FER: variants seen among roughly 807,000 people sequenced by gnomAD.
FER encodes the protein tyrosine-protein kinase Fer.
A neutral mutation model predicts 111.0 loss-of-function variants in FER; 63 were observed. The ratio of observed to expected loss-of-function variants is 0.57; its 90% CI spans 0.46 to 0.70. The LOEUF is 0.70. Ranked by LOEUF, FER falls within the 30% of genes least tolerant of loss-of-function variation. The pLI, the probability that FER is intolerant of heterozygous loss-of-function variation, is 0.00. For missense variants in FER, 914 were observed against 954.0 expected, an observed-to-expected ratio of 0.96 and a Z score of 0.55; for synonymous variants, 327 against 313.9, an observed-to-expected ratio of 1.04 and a Z score of -0.44.
At chr5:108,850,854 T>C (rs905620140) in intron 5 of FER, among the ~76,000 whole-genome samples, 1 of 152,334 alleles carries the variant, frequency 6.6e-6, no homozygotes, top group Middle Eastern at 3.4e-3. Flanking sequence ...TTCAAGTACA[T>C]GATTGGGAGA....
rs1765955625 is a variant in FER at position 109,009,464 on chromosome 5, A to G, written c.1657-27958A>G. Among the ~76,000 whole-genome samples, 3 of 152,114 alleles carry G rather than the reference A, an allele frequency of 2.0e-5. No homozygotes were observed. The South Asian group carries it at 6.2e-4, about 32-fold the overall frequency. ...CCACCAAAAGCCTCTACCCCTGACC[A>G]CCTTACTTAAATTTAACTCTCAAAT... On this transcript the variant is annotated intron_variant, in intron 13 of 19. Coordinates refer to ENST00000281092, the MANE Select transcript of FER (RefSeq NM_005246.4).
chr5:108,993,093 G>A (rs561792711), intron 13 of FER, among the ~76,000 whole-genome samples: 10 of 151,744 alleles, frequency 6.6e-5, no homozygotes, highest in East Asian at 2.0e-4. Context: ...CCTCCCAGAC[G>A]ATGGGCGGCC....
intron 13 of FER, among the ~76,000 whole-genome samples, chr5:109,016,267 C>G (rs1055642179): frequency 6.6e-6 from 1 of 151,830 alleles, no homozygotes; most frequent in African/African-American, 2.4e-5. Flanking sequence ...TTAATCCATC[C>G]CAATTCTATA....
chr5:108,947,652 A>G (rs936544350), intron 11 of FER, among the ~76,000 whole-genome samples: 1 of 151,552 alleles, frequency 6.6e-6, no homozygotes, highest in Non-Finnish European at 1.5e-5. Context: ...CTTTCTTGTT[A>G]ATGTCCTTTA....
intron 2 of FER, among the ~76,000 whole-genome samples, chr5:108,768,532 A>G (rs1561389001): frequency 6.6e-6 from 1 of 152,156 alleles, no homozygotes; most frequent in South Asian, 2.1e-4. Context: ...ATTTTCAACC[A>G]TTTGGCACCA....
chr5:108,780,364 T>C (rs1753922191), intron 2 of FER, among the ~76,000 whole-genome samples: 1 of 147,794 alleles, frequency 6.8e-6, no homozygotes, highest in South Asian at 2.1e-4. Flanking sequence ...TCAAGGTACA[T>C]AATTCTAGGT....
intron 9 of FER, among the ~76,000 whole-genome samples, chr5:108,885,663 A>T (rs1401926761): frequency 1.3e-5 from 2 of 151,784 alleles, no homozygotes; most frequent in African/African-American, 4.8e-5. Flanking sequence ...AATCCCATTG[A>T]TAAGGGCTCT....
intron 5 of FER, among the ~76,000 whole-genome samples, chr5:108,853,819 G>A (rs1762748419): frequency 6.6e-6 from 1 of 152,206 alleles, no homozygotes; most frequent in South Asian, 2.1e-4. Context: ...AGCCATTGGA[G>A]TGTTTTGAGC....
intron 10 of FER, among the ~76,000 whole-genome samples, chr5:108,933,677 C>G (rs1410329301): frequency 6.6e-6 from 1 of 152,072 alleles, no homozygotes; most frequent in Non-Finnish European, 1.5e-5. Context: ...AGCACTGAAT[C>G]TATAAACTAC....
intron 13 of FER, among the ~76,000 whole-genome samples, chr5:109,024,981 C>G (rs1038775752): frequency 1.3e-5 from 2 of 151,256 alleles, no homozygotes; most frequent in African/African-American, 4.9e-5. Context: ...TGATCTATAT[C>G]TCTGTTTTGG....
At chr5:109,073,387 T>C (rs1302691683) in intron 16 of FER, among the ~76,000 whole-genome samples, 1 of 152,142 alleles carries the variant, frequency 6.6e-6, no homozygotes, top group Admixed American at 6.6e-5. Flanking sequence ...TCTGTCCTCA[T>C]GGCTCGTGCC....
At chr5:109,014,399 C>T (rs1187556033) in intron 13 of FER, among the ~76,000 whole-genome samples, 8 of 152,122 alleles carry the variant, frequency 5.3e-5, no homozygotes, top group South Asian at 2.1e-4. Flanking sequence ...TGTAGATATA[C>T]GGCCTTATTT....
intron 13 of FER, among the ~76,000 whole-genome samples, chr5:108,992,330 C>G (rs1413356479): frequency 1.3e-5 from 2 of 152,212 alleles, no homozygotes; most frequent in African/African-American, 4.8e-5. Context: ...CCACCTTTAC[C>G]CCCTTTCTAT....
intron 16 of FER, among the ~76,000 whole-genome samples, chr5:109,087,292 T>C (rs958893209): frequency 9.9e-5 from 15 of 151,840 alleles, no homozygotes; most frequent in Non-Finnish European, 1.8e-4. Context: ...TTAATTGCCA[T>C]GCACATGGTC....
intron 10 of FER, among the ~76,000 whole-genome samples, chr5:108,916,442 A>AC (rs151272066): frequency 0.062 from 9,382 of 151,916 alleles, 333 homozygotes; most frequent in Middle Eastern, 0.1. Context: ...TAATTTGGGT[A>AC]CCCCCCCGAC....
At chr5:108,823,898 T>G (rs1385032133) in intron 3 of FER, among the ~76,000 whole-genome samples, 1 of 152,158 alleles carries the variant, frequency 6.6e-6, no homozygotes, top group Non-Finnish European at 1.5e-5. Context: ...TCTAGGAGTT[T>G]TATGGATTCA....
At chr5:108,779,846 G>C (rs986887116) in intron 2 of FER, among the ~76,000 whole-genome samples, 1 of 152,160 alleles carries the variant, frequency 6.6e-6, no homozygotes, top group African/African-American at 2.4e-5. Context: ...GAGGTGACGG[G>C]ACAACCTTGC....
chr5:108,865,901 A>C (rs917784867), intron 5 of FER, among the ~76,000 whole-genome samples: 1 of 152,218 alleles, frequency 6.6e-6, no homozygotes, highest in Non-Finnish European at 1.5e-5. Flanking sequence ...ATCTCACACC[A>C]GTTAGAATGG....
At chr5:109,187,038 A>G (rs1758951705) in intron 19 of FER, among the ~76,000 whole-genome samples, 1 of 151,990 alleles carries the variant, frequency 6.6e-6, no homozygotes, top group Admixed American at 6.6e-5. Flanking sequence ...ATTCACATTT[A>G]TAAAATCCTC....
Sources: allele counts gnomAD v4.1 joint callset (sites outside exome capture counted in the v4.1 genomes callset), GRCh38; gene constraint gnomAD v4.1.1; transcripts MANE v1.5; gene names NCBI Gene and HGNC (gene_info 2026-07-23, HGNC 2026-07-21).